The following MYBPC2 variants were observed in gnomAD, a reference collection of about 807,000 sequenced individuals.
MYBPC2 encodes the protein myosin-binding protein C, fast-type.
In MYBPC2, 122 loss-of-function variants were observed where a neutral mutation model predicts 137.0. That is an observed-to-expected ratio of 0.89 (90% CI 0.77 to 1.03). The LOEUF is 1.03. MYBPC2 is among the 50% of genes least tolerant of loss of function. The probability of loss-of-function intolerance (pLI) is 0.00; values close to 1 mark genes in which losing one functional copy is unlikely to be tolerated. For synonymous variants in MYBPC2, 626 were observed against 612.3 expected (o/e 1.02, Z -0.33); for missense variants, 1,500 against 1,534.4 (o/e 0.98, Z 0.37).
At chr19:50,450,405 G>A (rs1485804683) in intron 13 of MYBPC2, among the ~76,000 whole-genome samples, 2 of 152,020 alleles carry the variant, frequency 1.3e-5, no homozygotes, top group South Asian at 2.1e-4. Flanking sequence ...ACAGGCGTGA[G>A]CCACCATGCC....
At chr19:50,443,202 T>G (rs2039771768) in intron 9 of MYBPC2, among the ~76,000 whole-genome samples, 1 of 152,150 alleles carries the variant, frequency 6.6e-6, no homozygotes. Context: ...TGTGCACCTG[T>G]GATCCTAGCT....
intron 20 of MYBPC2, among the ~76,000 whole-genome samples, chr19:50,457,585 C>T (rs2039924925): frequency 6.6e-6 from 1 of 152,072 alleles, no homozygotes; most frequent in Admixed American, 6.6e-5. Flanking sequence ...GCTGCGTGTC[C>T]AGGATGGTCT....
In MYBPC2 at chr19:50,436,022, A is replaced by G; in HGVS notation, c.207A>G (p.Ala69=). 1.3e-6 allele frequency: 2 copies of G among 1,580,736 alleles called. No individual in the cohort carries two copies. Among genetic ancestry groups the G allele is most frequent in the Non-Finnish European group, 1.7e-6 (2 of 1,163,172 alleles). The change falls in exon 4 of 28, where the codon GCA becomes GCG. Residue 69 remains alanine (A), a synonymous_variant. Coordinates refer to ENST00000357701, the MANE Select transcript of MYBPC2 (RefSeq NM_004533.4). ...ACTCACCCCATGTAGGGAAGGACGCAGTGGTCGTGGCCAAGGTGAACGGGA... is the reference window on the plus strand; with the variant it reads ...ACTCACCCCATGTAGGGAAGGACGCGGTGGTCGTGGCCAAGGTGAACGGGA... ...DSVSVETGKD[A]VVVAKVNGKE... is the part of the protein sequence containing the mutation.
intron 19 of MYBPC2, 29 bp downstream of exon 19, chr19:50,455,325 T>C (rs1236189846): frequency 6.2e-7 from 1 of 1,604,000 alleles, no homozygotes; most frequent in Non-Finnish European, 8.5e-7. Flanking sequence ...TTTATGCCTA[T>C]TGGTAATGAT....
At chr19:50,456,860 A>G (rs1485568843) in intron 20 of MYBPC2, among the ~76,000 whole-genome samples, 1 of 151,948 alleles carries the variant, frequency 6.6e-6, no homozygotes, top group African/African-American at 2.4e-5. Context: ...CTGCCTGTCC[A>G]TCCATCATCT....
intron 24 of MYBPC2, among the ~76,000 whole-genome samples, chr19:50,460,883 G>T (rs938203550): frequency 6.6e-6 from 1 of 151,994 alleles, no homozygotes; most frequent in Non-Finnish European, 1.5e-5. Context: ...TAGAGACAGG[G>T]TCTCAGTATG....
chr19:50,459,318 G>A lies in MYBPC2; in HGVS notation c.2791+12G>A. On this transcript the variant is annotated intron_variant, in intron 23 of 27. Coordinates refer to ENST00000357701, the MANE Select transcript of MYBPC2 (RefSeq NM_004533.4). ...CATCCGCGTTGTGGGTGCGCGCGCT[G>A]GGGAGGGCCCCTGGAGGCCGGGAGG... 1 of 1,588,948 alleles carries A rather than the reference G, an allele frequency of 6.3e-7. No individual in the cohort carries two copies. The highest frequency in any genetic ancestry group is 1.1e-5 in the South Asian group (1 of 88,220).
Position 50,462,023 on chromosome 19 carries a change from G to C in MYBPC2, c.3215G>C (p.Arg1072Thr), listed in dbSNP as rs1436278330. 12 of 1,572,252 alleles carry C rather than the reference G, an allele frequency of 7.6e-6. No homozygotes were observed. The highest frequency in any genetic ancestry group is 1.0e-5 in the Non-Finnish European group (12 of 1,158,822). ...TCGGCAGCCCTCAACTGTGCTGTCA[G>C]AGGCCACCCGAAGGTGCCAGGGCAG... ...GYSAALNCAV[R>T]GHPKPKVVWM... Residue 1072 changes from arginine to threonine, a missense_variant, in exon 26 of 28, where the codon AGA becomes ACA. Coordinates refer to ENST00000357701, the MANE Select transcript of MYBPC2 (RefSeq NM_004533.4).
At chr19:50,464,075 C>T (rs1350482300) in intron 26 of MYBPC2, among the ~76,000 whole-genome samples, 1 of 151,968 alleles carries the variant, frequency 6.6e-6, no homozygotes, top group African/African-American at 2.4e-5. Context: ...TAATGGGGGT[C>T]AAAGAGTGTG....
rs2040004768 is a variant in MYBPC2 at position 50,465,209 on chromosome 19, T to C, written c.3415+677T>C. Among the ~76,000 whole-genome samples the C allele has an allele frequency of 6.6e-6, 1 of 152,026 alleles. No individual in the cohort carries two copies. The highest frequency in any genetic ancestry group is 2.1e-4 in the South Asian group (1 of 4,818). ...GCGCCCCTCCGCCTGGTGTTCACGG[T>C]GGTGTGTCCACCCCGGTTCTTCCCA... On this transcript the variant is annotated intron_variant, in intron 27 of 27. Transcript: ENST00000357701. This position sits in a 1 kb window ranked among gnomAD's most constrained non-coding sequence, Gnocchi z 4.5.
intron 24 of MYBPC2, among the ~76,000 whole-genome samples, chr19:50,460,640 C>T (rs763088440): frequency 3.9e-5 from 6 of 152,210 alleles, no homozygotes; most frequent in African/African-American, 1.2e-4. Flanking sequence ...CTCAGCACAA[C>T]GTCTTTGAAG....
intron 26 of MYBPC2, among the ~76,000 whole-genome samples, chr19:50,463,867 A>T (rs766222814): frequency 1.3e-5 from 2 of 148,452 alleles, no homozygotes; most frequent in Non-Finnish European, 3.0e-5. Flanking sequence ...TAAACCCGGG[A>T]GGTGGAGGTT....
At chr19:50,446,162 C>T in intron 12 of MYBPC2, 110 bp downstream of exon 12, 19 of 1,294,034 alleles carry the variant, frequency 1.5e-5, no homozygotes, top group Non-Finnish European at 1.9e-5. Context: ...CTCTCTTTCC[C>T]ACACACCCTA....
In MYBPC2 at chr19:50,465,955, C is replaced by T. The variant is rs1042284901; in HGVS notation, c.3416-240C>T. Among the ~76,000 whole-genome samples the T allele has an allele frequency of 1.3e-5, 2 of 152,220 alleles. No individual in the cohort carries two copies. Among genetic ancestry groups the T allele is most frequent in the South Asian group, 2.1e-4 (1 of 4,832 alleles). On this transcript the variant is annotated intron_variant, in intron 27 of 27. Transcript: ENST00000357701. The surrounding 1 kb of genome is among the most constrained non-coding windows in gnomAD (Gnocchi z 4.5). Reference sequence around the variant, plus strand: ...TAAATCAGCTCAGAAAAATCCCAGCCTCAGGATTCCAGTGACCGCGTACAG... The same window carrying T: ...TAAATCAGCTCAGAAAAATCCCAGCTTCAGGATTCCAGTGACCGCGTACAG...
chr19:50,442,054 C>G, intron 8 of MYBPC2, 127 bp from the exon 9 acceptor site: 2 of 1,202,444 alleles, frequency 1.7e-6, no homozygotes, highest in Non-Finnish European at 2.3e-6. Context: ...TCATAGGAGG[C>G]CCCCTGACTT....
intron 20 of MYBPC2, among the ~76,000 whole-genome samples, chr19:50,457,940 G>A (rs952501156): frequency 4.0e-5 from 6 of 149,902 alleles, no homozygotes; most frequent in African/African-American, 1.2e-4. Flanking sequence ...TCAGCCTCCC[G>A]AAGTGCTGGG....
chr19:50,461,779 C>A, intron 25 of MYBPC2, 78 bp downstream of exon 25: 1 of 1,595,410 alleles, frequency 6.3e-7, no homozygotes. Context: ...TCCTGCCCTC[C>A]CCTCCCCACT....
In MYBPC2 at chr19:50,435,820, GGC is replaced by G. The variant is rs1555795922; in HGVS notation, c.156_157del (p.Val53PhefsTer92). ...DQSPTAEEPT[G>X]VFLKKPDSVS... ...GTCCCCGACTGCAGAGGAGCCCACC[GGC>G]GTTTTCCTGAAGAAGCCGGACTCCG... is the stretch of plus-strand genomic sequence containing the variant. On this transcript the variant is annotated frameshift_variant, in exon 3 of 28. Coordinates refer to ENST00000357701, the MANE Select transcript of MYBPC2 (RefSeq NM_004533.4). LOFTEE classifies it high-confidence loss of function. The surrounding 1 kb of genome is among the most constrained non-coding windows in gnomAD (Gnocchi z 4.8). 1 of 1,610,762 alleles carries G rather than the reference GGC, an allele frequency of 6.2e-7. No individual in the cohort carries two copies. Among genetic ancestry groups the G allele is most frequent in the Non-Finnish European group, 8.5e-7 (1 of 1,178,574 alleles).
rs766743135 is a variant in MYBPC2 at position 50,459,268 on chromosome 19, A to G, written c.2753A>G (p.Asn918Ser). 1.2e-6 allele frequency: 2 copies of G among 1,609,734 alleles called. No individual in the cohort carries two copies. The highest frequency in any genetic ancestry group is 4.5e-5 in the East Asian group (2 of 44,656). ...GEYELSVQIE[N>S]MKDTATIRIR... ...TACGAGCTGAGCGTGCAGATCGAGAACATGAAGGACACCGCCACCATCCGC... is the reference window on the plus strand; with the variant it reads ...TACGAGCTGAGCGTGCAGATCGAGAGCATGAAGGACACCGCCACCATCCGC... Residue 918 changes from asparagine (N) to serine (S), a missense_variant, in exon 23 of 28, where the codon AAC becomes AGC. Transcript: ENST00000357701.
Sources: gnomAD v4.1 joint callset for allele counts (sites outside exome capture counted in the v4.1 genomes callset) on GRCh38, gnomAD v4.1.1 for gene constraint, Gnocchi (gnomAD v3.1) non-coding constraint, MANE v1.5 for transcripts, NCBI Gene and HGNC (gene_info 2026-07-23, HGNC 2026-07-21) for gene names.